The following PSD2 variants were observed in gnomAD, a reference collection of about 807,000 sequenced individuals.
PSD2 encodes PH and SEC7 domain-containing protein 2.
Under a neutral mutation model 69.8 loss-of-function variants are expected in PSD2, and 38 were observed. The observed-to-expected ratio is 0.54, with a 90% confidence interval of 0.42 to 0.71. The LOEUF is 0.71. PSD2 is among the 30% of genes least tolerant of loss of function. PSD2 has a pLI of 0.00. For synonymous variants in PSD2, 412 were observed against 423.0 expected, an observed-to-expected ratio of 0.97 and a Z score of 0.32; for missense variants, 943 against 1,014.5, an observed-to-expected ratio of 0.93 and a Z score of 0.96.
chr5:139,778,461 T>A, the PSD2 span, among the ~76,000 whole-genome samples: 12 of 152,238 alleles, frequency 7.9e-5, no homozygotes, highest in Non-Finnish European at 1.6e-4. Flanking sequence ...TTGTGATGCA[T>A]CATTTTAATG....
chr5:139,748,579 C>A, the PSD2 span, among the ~76,000 whole-genome samples: 56 of 152,370 alleles, frequency 3.7e-4, no homozygotes, highest in Non-Finnish European at 3.8e-4. Flanking sequence ...CGGGCGAACT[C>A]ATGTGCACAC....
Position 139,837,560 on chromosome 5 carries a change from TGAGGGGAGGG to T in PSD2, c.1666-61_1666-52del. 1.3e-6 allele frequency: 2 copies of T among 1,487,634 alleles called. No homozygotes were observed. Among genetic ancestry groups the T allele is most frequent in the Non-Finnish European group, 1.8e-6 (2 of 1,094,910 alleles). The allele number at this position is 1,487,634 out of a possible 1,614,324, so 92.2% of individuals were successfully genotyped here. On this transcript the variant is annotated intron_variant, in intron 11 of 14. Coordinates refer to ENST00000274710, the MANE Select transcript of PSD2 (RefSeq NM_032289.4). The surrounding 1 kb of genome is among the most constrained non-coding windows in gnomAD (Gnocchi z 5.0). The stretch of plus-strand genomic sequence containing the variant: ...AGCCGTAGGGTTAGACAGAGAGCAG[TGAGGGGAGGG>T]GAGAGTGGAAGGTGTGGGTCAGTGA...
At chr5:139,840,522 G>A (rs1311940787) in intron 14 of PSD2, among the ~76,000 whole-genome samples, 1 of 151,590 alleles carries the variant, frequency 6.6e-6, no homozygotes, top group Non-Finnish European at 1.5e-5. Flanking sequence ...TCACTAACCT[G>A]ATAGGTTTAA....
rs1348131007 is a variant in PSD2, at chr5:139,842,576, A to T, written c.*102A>T. On this transcript the variant is annotated 3_prime_UTR_variant, in exon 15 of 15. Transcript: ENST00000274710. ...ACTTGGACCAAGCTCCAGTCAGTTG[A>T]TGGGCAGCTAGAGGGGTGCAGAAAG... The T allele has an allele frequency of 1.9e-6, 2 of 1,049,722 alleles. No homozygotes were observed. The highest frequency in any genetic ancestry group is 2.9e-6 in the Non-Finnish European group (2 of 698,924). 65.0% of individuals were successfully genotyped at this position (1,049,722 alleles called of 1,614,324 possible). A position where few individuals can be genotyped will look rare whatever the true frequency, so the allele number is the denominator to read the frequency against.
rs200076969 is a variant in PSD2, at chr5:139,821,914, G to A, written c.1119G>A (p.Pro373=). The stretch of plus-strand genomic sequence containing the variant: ...CCAGAACATTCTTGAAGGCCTTCCC[G>A]CTGATGGGGGAGACACAAGAGCGTG... The part of the protein sequence containing the change: ...GALRTFLKAF[P]LMGETQERER... Residue 373 remains proline (P), a synonymous_variant, in exon 6 of 15, where the codon CCG becomes CCA. Coordinates refer to ENST00000274710, the MANE Select transcript of PSD2 (RefSeq NM_032289.4). The A allele has an allele frequency of 4.4e-5, 71 of 1,608,098 alleles. No homozygotes were observed. Among genetic ancestry groups the A allele is most frequent in the Middle Eastern group, 1.7e-4 (1 of 5,918 alleles).
the PSD2 span, chr5:139,746,131 A>T: frequency 6.6e-6 from 1 of 152,210 alleles, no homozygotes; most frequent in Non-Finnish European, 1.5e-5. The surrounding 1 kb of genome is among the most constrained non-coding windows in gnomAD (Gnocchi z 4.5). Flanking sequence ...GTATCGTGAA[A>T]GCTGGACAAA....
the PSD2 span, among the ~76,000 whole-genome samples, chr5:139,761,623 T>C: frequency 1.3e-5 from 2 of 152,200 alleles, no homozygotes; most frequent in Non-Finnish European, 2.9e-5. Context: ...CCTGTTTCCC[T>C]TATTCCTTGG....
At position 139,799,751 on chromosome 5, in the gene PSD2, G is replaced by C. The variant is rs1417644652; in HGVS notation, c.-51+3776G>C. Among the ~76,000 whole-genome samples, 42 of 152,050 alleles carry C rather than the reference G, an allele frequency of 2.8e-4. 1 individual carries two copies. Among genetic ancestry groups the C allele is most frequent in the Admixed American group, 2.7e-3 (42 of 15,282 alleles). ...GAGAGTGGAGTTGTGTGGTTTGGGG[G>C]CCCTGCTGGGAGGGTGTTGCTGGGG... On this transcript the variant is annotated intron_variant, in intron 1 of 14. Coordinates refer to ENST00000274710, the MANE Select transcript of PSD2 (RefSeq NM_032289.4).
the PSD2 span, among the ~76,000 whole-genome samples, chr5:139,766,906 TCC>T: frequency 0.056 from 3,485 of 62,724 alleles, 209 homozygotes; most frequent in Admixed American, 0.078. Flanking sequence ...CCTCTTTCCC[TCC>T]CTTCCTTCCT....
chr5:139,834,651 T>C (rs1760673199), intron 8 of PSD2, among the ~76,000 whole-genome samples: 1 of 152,108 alleles, frequency 6.6e-6, no homozygotes, highest in Non-Finnish European at 1.5e-5. Context: ...ACTACAGGCG[T>C]AGTTGAATAA....
At chr5:139,802,079 G>A (rs146202673) in intron 1 of PSD2, among the ~76,000 whole-genome samples, 136 of 151,642 alleles carry the variant, frequency 9.0e-4, no homozygotes, top group Admixed American at 2.0e-3. Flanking sequence ...ACCCTGAGCC[G>A]AAGTCCTAAA....
chr5:139,816,610 G>A (rs544992139), intron 4 of PSD2, among the ~76,000 whole-genome samples: 7 of 152,230 alleles, frequency 4.6e-5, no homozygotes, highest in Non-Finnish European at 1.0e-4. Context: ...ATTAGAATCA[G>A]GTGGAAATTT....
the PSD2 span, among the ~76,000 whole-genome samples, chr5:139,753,976 A>G: frequency 2.0e-5 from 3 of 152,188 alleles, no homozygotes; most frequent in Non-Finnish European, 4.4e-5. Flanking sequence ...AGCTGGGATG[A>G]CAGGCATGCG....
At chr5:139,828,380 T>C (rs1760483133) in intron 7 of PSD2, among the ~76,000 whole-genome samples, 1 of 152,168 alleles carries the variant, frequency 6.6e-6, no homozygotes, top group South Asian at 2.1e-4. Context: ...TCCAACCTTG[T>C]GTTGCCTGAA....
At position 139,837,287 on chromosome 5, in the gene PSD2, C is replaced by A. The variant is rs1031797130; in HGVS notation, c.1665+49C>A. 1 of 1,570,936 alleles carries A rather than the reference C, an allele frequency of 6.4e-7. No individual in the cohort carries two copies. Among genetic ancestry groups the A allele is most frequent in the African/African-American group, 1.4e-5 (1 of 69,066 alleles). On this transcript the variant is annotated intron_variant, in intron 11 of 14. Coordinates refer to ENST00000274710, the MANE Select transcript of PSD2 (RefSeq NM_032289.4). The surrounding 1 kb of genome is among the most constrained non-coding windows in gnomAD (Gnocchi z 5.0). ...TACTCAGAAAGGGCCAGCTCAGTCC[C>A]ATCCCGCCCTGGCCTTGTGGCACCC... is the stretch of plus-strand genomic sequence containing the variant.
chr5:139,813,339 G>A lies in PSD2; in HGVS notation c.402G>A (p.Arg134=). ...GLDGPGEPDV[R]DGFSATFEKI... is the part of the protein sequence containing the mutation. ...ATGGTCCCGGGGAGCCAGATGTGCG[G>A]GATGGCTTCAGCGCCACGTTTGAGA... Residue 134 remains arginine (R), a synonymous_variant, in exon 3 of 15, where the codon CGG becomes CGA. Coordinates refer to ENST00000274710, the MANE Select transcript of PSD2 (RefSeq NM_032289.4). The A allele has an allele frequency of 6.4e-7, 1 of 1,570,098 alleles. No homozygotes were observed. Among genetic ancestry groups the A allele is most frequent in the Non-Finnish European group, 8.7e-7 (1 of 1,151,912 alleles).
In PSD2 at chr5:139,839,686, G is replaced by A. The variant is rs772292099; in HGVS notation, c.1969-341G>A. On this transcript the variant is annotated intron_variant, in intron 13 of 14. Transcript: ENST00000274710. This position sits in a 1 kb window ranked among gnomAD's most constrained non-coding sequence, Gnocchi z 5.1. The stretch of plus-strand genomic sequence containing the variant: ...GGGGTGTTTGTGTGTGCACATGGGA[G>A]TGCATATGAGCTGGGTTTTGTGTGG... Among the ~76,000 whole-genome samples the A allele has an allele frequency of 3.3e-5, 5 of 152,254 alleles. No homozygotes were observed. Among genetic ancestry groups the A allele is most frequent in the Non-Finnish European group, 7.3e-5 (5 of 68,046 alleles).
chr5:139,785,044 C>T, the PSD2 span, among the ~76,000 whole-genome samples: 9 of 152,126 alleles, frequency 5.9e-5, no homozygotes. Flanking sequence ...CAGGCGTGAG[C>T]CACCTCGCCC....
the PSD2 span, among the ~76,000 whole-genome samples, chr5:139,747,280 C>T: frequency 6.6e-6 from 1 of 152,158 alleles, no homozygotes; most frequent in Non-Finnish European, 1.5e-5. This position sits in a 1 kb window ranked among gnomAD's most constrained non-coding sequence, Gnocchi z 6.7. Flanking sequence ...ACACACACAC[C>T]TCACAGCCCT....
Sources: allele counts gnomAD v4.1 joint callset (sites outside exome capture counted in the v4.1 genomes callset), GRCh38; gene constraint gnomAD v4.1.1; non-coding constraint Gnocchi (gnomAD v3.1); transcripts MANE v1.5; gene names NCBI Gene and HGNC (gene_info 2026-07-23, HGNC 2026-07-21).